ALK: variants seen among roughly 807,000 people sequenced by gnomAD.
ALK encodes the protein ALK tyrosine kinase receptor.
ALK carries 74 observed loss-of-function variants against 163.1 expected under a neutral mutation model. The ratio of observed to expected loss-of-function variants is 0.45; its 90% CI spans 0.38 to 0.55. The LOEUF (loss-of-function observed/expected upper bound fraction) is 0.55, where lower values mean the gene tolerates loss of function less well. Among genes scored for constraint, ALK ranks in the 20% least tolerant of loss-of-function variants. ALK has a pLI of 0.00. For synonymous variants in ALK, 960 were observed against 843.2 expected, an observed-to-expected ratio of 1.14 and a Z score of -2.40; for missense variants, 2,063 against 2,105.3, an observed-to-expected ratio of 0.98 and a Z score of 0.39.
At chr2:29,918,449 G>A (rs1667893108) in intron 1 of ALK, among the ~76,000 whole-genome samples, 2 of 152,318 alleles carry the variant, frequency 1.3e-5, no homozygotes, top group Middle Eastern at 3.4e-3. Flanking sequence ...AACATCTTGG[G>A]TGGAACAACA....
At chr2:29,468,634 AG>A (rs1671270553) in intron 4 of ALK, among the ~76,000 whole-genome samples, 1 of 151,936 alleles carries the variant, frequency 6.6e-6, no homozygotes, top group African/African-American at 2.4e-5. Flanking sequence ...GTATTGTTTG[AG>A]CCCAGGGGTT....
At chr2:29,313,395 G>T (rs188947931) in intron 8 of ALK, among the ~76,000 whole-genome samples, 189 of 152,246 alleles carry the variant, frequency 1.2e-3, no homozygotes, top group African/African-American at 4.5e-3. Flanking sequence ...GTGTCCCCTT[G>T]GTGGCTCAGG....
At chr2:29,815,479 T>A (rs1175010320) in intron 1 of ALK, among the ~76,000 whole-genome samples, 1 of 152,116 alleles carries the variant, frequency 6.6e-6, no homozygotes, top group Admixed American at 6.5e-5. Context: ...AGGGAGGCAC[T>A]GGGACTCTGC....
rs902489227 is a variant in ALK at position 29,898,153 on chromosome 2, C to T, written c.667+21840G>A. Among the ~76,000 whole-genome samples the T allele has an allele frequency of 2.0e-5, 3 of 152,246 alleles. No homozygotes were observed. In the East Asian group the frequency reaches 5.8e-4, roughly 29 times the overall value. On this transcript the variant is annotated intron_variant, in intron 1 of 28. Coordinates refer to ENST00000389048, the MANE Select transcript of ALK (RefSeq NM_004304.5). The stretch of plus-strand genomic sequence containing the variant: ...ATGGCCTCAGGGCCTCTCTTTCCTG[C>T]CACCTTCCCCAGCCCCAGGCAGCCT...
At chr2:29,299,341 C>G (rs914658172) in intron 8 of ALK, among the ~76,000 whole-genome samples, 1 of 152,222 alleles carries the variant, frequency 6.6e-6, no homozygotes, top group African/African-American at 2.4e-5. Flanking sequence ...ATGGCATTTA[C>G]ATTCCTCTAT....
intron 5 of ALK, among the ~76,000 whole-genome samples, chr2:29,366,153 T>C (rs372287270): frequency 1.3e-5 from 2 of 152,126 alleles, no homozygotes; most frequent in East Asian, 3.8e-4. Context: ...CAAGAATTGA[T>C]AGGCCCCAAA....
chr2:29,277,971 T>C (rs745789552), intron 9 of ALK, among the ~76,000 whole-genome samples: 8 of 152,216 alleles, frequency 5.3e-5, no homozygotes, highest in East Asian at 1.9e-4. Flanking sequence ...AGTGTGAAGA[T>C]GAAGTGTGTG....
At chr2:29,871,665 C>G (rs1031290284) in intron 1 of ALK, among the ~76,000 whole-genome samples, 1 of 152,182 alleles carries the variant, frequency 6.6e-6, no homozygotes, top group African/African-American at 2.4e-5. Context: ...TTTGGACACT[C>G]TACAGTGGTT....
chr2:29,921,454 G>A lies in ALK; in HGVS notation c.-795C>T, dbSNP rs1327379953. ...CGCCCCCTCCTCACCCATCATCAGC[G>A]CCCGCGGCTTTGGGTGGCCGACCAG... On this transcript the variant is annotated 5_prime_UTR_variant, in exon 1 of 29. Transcript: ENST00000389048. 1 of 232,168 alleles carries A rather than the reference G, an allele frequency of 4.3e-6. No individual in the cohort carries two copies. 14.4% of individuals were successfully genotyped at this position (232,168 alleles called of 1,614,324 possible). A position where few individuals can be genotyped will look rare whatever the true frequency, so the allele number is the denominator to read the frequency against.
At chr2:29,390,496 C>T (rs889658615) in intron 4 of ALK, among the ~76,000 whole-genome samples, 3 of 150,834 alleles carry the variant, frequency 2.0e-5, no homozygotes, top group Non-Finnish European at 2.9e-5. Flanking sequence ...AGTGTCTGGA[C>T]GAGGTGTGAA....
intron 1 of ALK, among the ~76,000 whole-genome samples, chr2:29,775,806 A>G (rs1681159998): frequency 6.6e-6 from 1 of 152,232 alleles, no homozygotes; most frequent in Non-Finnish European, 1.5e-5. Context: ...ATGGATAGTA[A>G]CCACCCAGTG....
intron 5 of ALK, among the ~76,000 whole-genome samples, chr2:29,381,080 T>C (rs1668885820): frequency 6.6e-6 from 1 of 152,238 alleles, no homozygotes; most frequent in Non-Finnish European, 1.5e-5. Context: ...CAGAGGCTAG[T>C]GGACAGAAAC....
chr2:29,776,241 A>G (rs1337471068), intron 1 of ALK, among the ~76,000 whole-genome samples: 3 of 151,140 alleles, frequency 2.0e-5, no homozygotes, highest in South Asian at 4.2e-4. Flanking sequence ...AAAAAAAAAA[A>G]AAAAAAAAAG....
chr2:29,659,807 T>C (rs1677295576), intron 3 of ALK, among the ~76,000 whole-genome samples: 1 of 152,134 alleles, frequency 6.6e-6, no homozygotes, highest in Admixed American at 6.6e-5. Context: ...AAGAGATTTA[T>C]TACCATCAAT....
chr2:29,813,775 C>T lies in ALK; in HGVS notation c.668-96078G>A, dbSNP rs138047901. On this transcript the variant is annotated intron_variant, in intron 1 of 28. Coordinates refer to ENST00000389048, the MANE Select transcript of ALK (RefSeq NM_004304.5). Reference sequence around the variant, plus strand: ...TCAGTCTGTTCTCCTTGTGGAACCCCGTAACTCACAATTGTGTGGCAAATA... The same window carrying T: ...TCAGTCTGTTCTCCTTGTGGAACCCTGTAACTCACAATTGTGTGGCAAATA... 2.6e-5 allele frequency among the ~76,000 whole-genome samples: 4 copies of T among 152,192 alleles called. No individual in the cohort carries two copies. The East Asian group carries it at 7.7e-4, about 29-fold the overall frequency.
intron 3 of ALK, among the ~76,000 whole-genome samples, chr2:29,533,706 C>T (rs960147111): frequency 1.3e-5 from 2 of 152,164 alleles, no homozygotes; most frequent in African/African-American, 4.8e-5. Flanking sequence ...AGCAAACATC[C>T]AAGCACTGGC....
At chr2:29,717,383 AGCTGGAATGGCCTG>A in intron 2 of ALK, among the ~76,000 whole-genome samples, 181 bp downstream of exon 2, 1 of 152,222 alleles carries the variant, frequency 6.6e-6, no homozygotes, top group Non-Finnish European at 1.5e-5. Flanking sequence ...TACAGAATGC[AGCTGGAATGGCCTG>A]GCTGGAATGG....
At chr2:29,433,938 G>A (rs188499135) in intron 4 of ALK, among the ~76,000 whole-genome samples, 3 of 152,156 alleles carry the variant, frequency 2.0e-5, no homozygotes, top group Admixed American at 1.3e-4. Context: ...TCTTAGGCCC[G>A]GCTTAATGGA....
At chr2:29,825,799 G>A (rs1665180755) in intron 1 of ALK, among the ~76,000 whole-genome samples, 1 of 152,082 alleles carries the variant, frequency 6.6e-6, no homozygotes, top group Non-Finnish European at 1.5e-5. Flanking sequence ...TCCAGGCAGA[G>A]ATGATCTGAA....
Sources: gnomAD v4.1 joint callset for allele counts (sites outside exome capture counted in the v4.1 genomes callset) on GRCh38, gnomAD v4.1.1 for gene constraint, MANE v1.5 for transcripts, NCBI Gene and HGNC (gene_info 2026-07-23, HGNC 2026-07-21) for gene names.